The following PHC2 variants were observed in gnomAD, a reference collection of about 807,000 sequenced individuals.
The protein encoded by PHC2 is polyhomeotic homolog 2.
PHC2 carries 29 observed loss-of-function variants against 87.4 expected under a neutral mutation model. That is an observed-to-expected ratio of 0.33 (90% CI 0.25 to 0.45). PHC2 has a LOEUF of 0.45. Ranked by LOEUF, PHC2 falls within the 20% of genes least tolerant of loss-of-function variation. The probability of loss-of-function intolerance (pLI) is 1.00; values close to 1 mark genes in which losing one functional copy is unlikely to be tolerated. For synonymous variants in PHC2, 438 were observed against 461.7 expected (o/e 0.95, Z 0.66); for missense variants, 857 against 1,136.7 (o/e 0.75, Z 3.54).
At chr1:33,351,073 C>A (rs1646962696) in intron 9 of PHC2, among the ~76,000 whole-genome samples, 1 of 152,166 alleles carries the variant, frequency 6.6e-6, no homozygotes, top group African/African-American at 2.4e-5. Context: ...AGTTGGCAAA[C>A]TTTTTCTGCC....
intron 9 of PHC2, among the ~76,000 whole-genome samples, chr1:33,339,503 A>G (rs565605883): frequency 6.6e-6 from 1 of 152,148 alleles, no homozygotes; most frequent in Admixed American, 6.5e-5. Context: ...GAAAAGAGGT[A>G]CAGGTGGACC....
In PHC2 at chr1:33,393,782, G is replaced by A. The variant is rs1217757790; in HGVS notation, c.-54-18189C>T. Among the ~76,000 whole-genome samples, 3 of 19,676 alleles carry A rather than the reference G, an allele frequency of 1.5e-4. No homozygotes were observed. The East Asian group carries it at 7.3e-3, about 48-fold the overall frequency. 12.9% of individuals were successfully genotyped at this position (19,676 alleles called of 152,430 possible). ...GTGGGTTACATGGGGACAACGAAGA[G>A]ATGGATCAGCCCACATCACCATCAG... On this transcript the variant is annotated intron_variant, in intron 1 of 14. Transcript: ENST00000683057.
chr1:33,405,877 T>C (rs1649741429), intron 1 of PHC2, among the ~76,000 whole-genome samples: 2 of 152,236 alleles, frequency 1.3e-5, no homozygotes, highest in African/African-American at 2.4e-5. Context: ...TTTAATTCTA[T>C]GAAATTGTTG....
intron 1 of PHC2, among the ~76,000 whole-genome samples, chr1:33,395,903 C>T (rs1402018902): frequency 6.6e-6 from 1 of 152,162 alleles, no homozygotes; most frequent in Admixed American, 6.5e-5. Flanking sequence ...GAATAAATGT[C>T]CAGATTGAAA....
chr1:33,414,971 A>C (rs752094868), intron 1 of PHC2, among the ~76,000 whole-genome samples: 14 of 152,328 alleles, frequency 9.2e-5, no homozygotes, highest in Admixed American at 2.6e-4. Context: ...TAAATATAGA[A>C]AGAAATGGTT....
intron 9 of PHC2, chr1:33,347,682 G>A: frequency 2.0e-6 from 2 of 985,416 alleles, no homozygotes; most frequent in Non-Finnish European, 2.4e-6. Flanking sequence ...GATTCAGGCT[G>A]GAGGAAAAAG....
chr1:33,367,897 C>G (rs996441721), intron 6 of PHC2, among the ~76,000 whole-genome samples: 7 of 152,180 alleles, frequency 4.6e-5, no homozygotes. Flanking sequence ...AGGTTGCCAC[C>G]GGCTCTTCCA....
At chr1:33,357,406 C>T (rs1253214185) in intron 7 of PHC2, among the ~76,000 whole-genome samples, 1 of 151,978 alleles carries the variant, frequency 6.6e-6, no homozygotes, top group Non-Finnish European at 1.5e-5. Context: ...AGCAGAATTC[C>T]AATAGGAATG....
rs951853000 is a variant in PHC2, at chr1:33,368,970, C to G, written c.577-348G>C. ...GCTCATCCTAGAGGAGACCGATATC[C>G]CCAGGATACGCTGAAGCCACCACCT... On this transcript the variant is annotated intron_variant, in intron 5 of 14. Coordinates refer to ENST00000683057, the MANE Select transcript of PHC2 (RefSeq NM_001385109.1). This position sits in a 1 kb window ranked among gnomAD's most constrained non-coding sequence, Gnocchi z 6.6. 1.3e-5 allele frequency among the ~76,000 whole-genome samples: 2 copies of G among 152,098 alleles called. No individual in the cohort carries two copies. Among genetic ancestry groups the G allele is most frequent in the Non-Finnish European group, 2.9e-5 (2 of 67,992 alleles).
intron 1 of PHC2, among the ~76,000 whole-genome samples, chr1:33,423,104 C>A (rs1650493526): frequency 6.6e-6 from 1 of 152,084 alleles, no homozygotes; most frequent in Admixed American, 6.6e-5. Context: ...AAGGCTGGAA[C>A]CCCAGCATTA....
chr1:33,421,536 A>C (rs188142575), intron 1 of PHC2, among the ~76,000 whole-genome samples: 18 of 152,332 alleles, frequency 1.2e-4, no homozygotes, highest in African/African-American at 3.8e-4. Context: ...AGTACAGACA[A>C]GATAAACCCA....
intron 9 of PHC2, among the ~76,000 whole-genome samples, chr1:33,340,728 T>G (rs1646727312): frequency 6.6e-6 from 1 of 151,522 alleles, no homozygotes; most frequent in African/African-American, 2.4e-5. Context: ...TGAGAGGGAG[T>G]TGCGGGGAGG....
At chr1:33,359,263 T>C in intron 7 of PHC2, among the ~76,000 whole-genome samples, 1 of 152,208 alleles carries the variant, frequency 6.6e-6, no homozygotes, top group Admixed American at 6.5e-5. Flanking sequence ...AGACTTGTTC[T>C]CAAGGCTTCA....
chr1:33,335,158 T>C, intron 9 of PHC2: 1 of 983,518 alleles, frequency 1.0e-6, no homozygotes, highest in Non-Finnish European at 1.2e-6. Flanking sequence ...GAAAGTGAGA[T>C]TACATGCCTA....
In PHC2 at chr1:33,397,504, A is replaced by C. The variant is rs149433072; in HGVS notation, c.-54-21911T>G. On this transcript the variant is annotated intron_variant, in intron 1 of 14. Coordinates refer to ENST00000683057, the MANE Select transcript of PHC2 (RefSeq NM_001385109.1). Reference sequence around the variant, plus strand: ...TCTTACCCTGTTAGACAAGGAGGAGACTTCGCAGAAAGGTTAAGTAACTTG... The same window carrying C: ...TCTTACCCTGTTAGACAAGGAGGAGCCTTCGCAGAAAGGTTAAGTAACTTG... Among the ~76,000 whole-genome samples the C allele has an allele frequency of 3.2e-4, 49 of 152,312 alleles. No individual in the cohort carries two copies. In the East Asian group the frequency reaches 8.7e-3, roughly 27 times the overall value.
intron 9 of PHC2, among the ~76,000 whole-genome samples, chr1:33,335,995 T>A (rs556915275): frequency 9.3e-6 from 1 of 107,986 alleles, no homozygotes; most frequent in South Asian, 2.8e-4. Context: ...TTGTTGTTGT[T>A]GTTTTTTTTT....
intron 1 of PHC2, among the ~76,000 whole-genome samples, chr1:33,419,224 C>T (rs4652880): frequency 0.72 from 109,415 of 152,212 alleles, 40,155 homozygotes; most frequent in African/African-American, 0.87. Context: ...GTTGTCTTTA[C>T]TAAGTCATAA....
intron 1 of PHC2, among the ~76,000 whole-genome samples, chr1:33,398,755 C>T (rs1570507446): frequency 6.6e-6 from 1 of 152,100 alleles, no homozygotes; most frequent in African/African-American, 2.4e-5. Flanking sequence ...CCAGTAGATA[C>T]AGGGACTTTT....
intron 9 of PHC2, among the ~76,000 whole-genome samples, chr1:33,337,248 A>G (rs1191832281): frequency 2.0e-5 from 3 of 152,152 alleles, no homozygotes; most frequent in African/African-American, 7.2e-5. Context: ...ATGCCCACCC[A>G]ATGATTTTCT....
Sources: allele counts gnomAD v4.1 joint callset (sites outside exome capture counted in the v4.1 genomes callset), GRCh38; gene constraint gnomAD v4.1.1; non-coding constraint Gnocchi (gnomAD v3.1); transcripts MANE v1.5; gene names NCBI Gene and HGNC (gene_info 2026-07-23, HGNC 2026-07-21).